Variants in MARCHF11 observed in about 807,000 individuals in gnomAD.
MARCHF11 encodes the protein E3 ubiquitin-protein ligase MARCHF11.
MARCHF11 carries 29 observed loss-of-function variants against 37.3 expected under a neutral mutation model. The ratio of observed to expected loss-of-function variants is 0.78; its 90% CI spans 0.58 to 1.06. The LOEUF (loss-of-function observed/expected upper bound fraction) is 1.06, where lower values mean the gene tolerates loss of function less well. Ranked by LOEUF, MARCHF11 falls within the 50% of genes least tolerant of loss-of-function variation. The pLI, the probability that MARCHF11 is intolerant of heterozygous loss-of-function variation, is 0.00. For missense variants in MARCHF11, 482 were observed against 533.4 expected, an observed-to-expected ratio of 0.90 and a Z score of 0.95; for synonymous variants, 233 against 228.0, an observed-to-expected ratio of 1.02 and a Z score of -0.20.
intron 2 of MARCHF11, among the ~76,000 whole-genome samples, chr5:16,110,605 A>T (rs1036167884): frequency 1.3e-5 from 2 of 152,218 alleles, no homozygotes; most frequent in Non-Finnish European, 2.9e-5. Context: ...TTTTAGAGAA[A>T]CTGAGGACAA....
chr5:16,143,593 T>C (rs565858422), intron 2 of MARCHF11, among the ~76,000 whole-genome samples: 111 of 152,270 alleles, frequency 7.3e-4, no homozygotes, highest in Admixed American at 1.4e-3. Context: ...GGAGGAGACC[T>C]GTCCTAAGCA....
chr5:16,140,333 CCACAGATTATT>C (rs1488965543), intron 2 of MARCHF11, among the ~76,000 whole-genome samples: 3 of 152,134 alleles, frequency 2.0e-5, no homozygotes, highest in African/African-American at 7.2e-5. Context: ...ATAGAAACAA[CCACAGATTATT>C]CACAGACTAT....
intron 2 of MARCHF11, among the ~76,000 whole-genome samples, chr5:16,137,562 T>G (rs1470463699): frequency 4.6e-5 from 7 of 152,212 alleles, no homozygotes; most frequent in Non-Finnish European, 1.0e-4. Context: ...AGTGGGATAT[T>G]GCTATTAAGA....
At chr5:16,125,935 T>C (rs1006983480) in intron 2 of MARCHF11, among the ~76,000 whole-genome samples, 5 of 152,190 alleles carry the variant, frequency 3.3e-5, no homozygotes, top group Admixed American at 1.3e-4. Context: ...CTGTAGATAC[T>C]ACGTCAATGT....
intron 2 of MARCHF11, among the ~76,000 whole-genome samples, chr5:16,168,151 T>C (rs1738201239): frequency 6.6e-6 from 1 of 152,116 alleles, no homozygotes; most frequent in Non-Finnish European, 1.5e-5. Context: ...TAGAGCTTTA[T>C]CATGTCCAAA....
Position 16,110,047 on chromosome 5 carries a change from G to A in MARCHF11, c.694-18966C>T, listed in dbSNP as rs183740216. 4.5e-3 allele frequency among the ~76,000 whole-genome samples: 688 copies of A among 152,206 alleles called. 26 individuals carry two copies. Among genetic ancestry groups the A allele is most frequent in the Admixed American group, 0.042 (646 of 15,290 alleles). ...TCAAGTTCCCAGAAATTCCTCCACC[G>A]TGCTCTGATAGAAAACAATCCCAGT... is the stretch of plus-strand genomic sequence containing the variant. On this transcript the variant is annotated intron_variant, in intron 2 of 3. Transcript: ENST00000332432.
At chr5:16,173,918 C>G (rs552278013) in intron 2 of MARCHF11, among the ~76,000 whole-genome samples, 1 of 152,318 alleles carries the variant, frequency 6.6e-6, no homozygotes, top group African/African-American at 2.4e-5. Context: ...AATGGAGATG[C>G]AAAGAGTTTA....
intron 2 of MARCHF11, among the ~76,000 whole-genome samples, chr5:16,148,427 GC>G (rs1343868383): frequency 6.6e-6 from 1 of 152,002 alleles, no homozygotes; most frequent in African/African-American, 2.4e-5. Context: ...CTAACATCTG[GC>G]AATCTTTCCC....
chr5:16,093,521 G>A (rs13158763), intron 2 of MARCHF11, among the ~76,000 whole-genome samples: 45,348 of 151,714 alleles, frequency 0.3, 7,907 homozygotes, highest in East Asian at 0.56. Flanking sequence ...CCAGGAAATC[G>A]AGTGGCCATG....
At chr5:16,104,558 T>C (rs532512794) in intron 2 of MARCHF11, among the ~76,000 whole-genome samples, 1 of 152,332 alleles carries the variant, frequency 6.6e-6, no homozygotes, top group Admixed American at 6.5e-5. Context: ...TTCAATTATT[T>C]GTCCGGTTGG....
chr5:16,071,480 T>C (rs752798170), intron 3 of MARCHF11, among the ~76,000 whole-genome samples: 10 of 152,214 alleles, frequency 6.6e-5, no homozygotes, highest in Non-Finnish European at 1.5e-4. Flanking sequence ...AATTTCTGGT[T>C]TCATTGAATA....
chr5:16,122,033 A>G (rs1437107579), intron 2 of MARCHF11, among the ~76,000 whole-genome samples: 1 of 152,162 alleles, frequency 6.6e-6, no homozygotes, highest in African/African-American at 2.4e-5. Flanking sequence ...CAGAGAATTT[A>G]GGTACTCTGT....
intron 3 of MARCHF11, among the ~76,000 whole-genome samples, chr5:16,075,790 G>A (rs1271542517): frequency 6.6e-6 from 1 of 152,194 alleles, no homozygotes; most frequent in Non-Finnish European, 1.5e-5. Context: ...TTTAGGGACT[G>A]GGGCCCATAG....
chr5:16,157,980 C>G (rs1241312322), intron 2 of MARCHF11, among the ~76,000 whole-genome samples: 2 of 151,682 alleles, frequency 1.3e-5, no homozygotes, highest in African/African-American at 4.8e-5. Context: ...TCAAACAACT[C>G]AATACTAAGA....
chr5:16,085,939 CAAAAAAAAAAAAAAAAAA>C (rs56782867), intron 3 of MARCHF11, among the ~76,000 whole-genome samples: 11 of 40,954 alleles, frequency 2.7e-4, no homozygotes, highest in Non-Finnish European at 3.7e-4. Context: ...GACTCCATCT[CAAAAAAAAAAAAAAAAAA>C]AAAAAAAAAA....
chr5:16,144,590 G>A (rs558406503), intron 2 of MARCHF11, among the ~76,000 whole-genome samples: 2 of 152,246 alleles, frequency 1.3e-5, no homozygotes, highest in Non-Finnish European at 2.9e-5. Context: ...GTTAAGGCGT[G>A]CATTCTGATT....
intron 2 of MARCHF11, among the ~76,000 whole-genome samples, chr5:16,135,834 C>T (rs1210473296): frequency 7.3e-6 from 1 of 136,218 alleles, no homozygotes; most frequent in Non-Finnish European, 1.5e-5. Flanking sequence ...ACATCAAAGA[C>T]CACAGGAAAG....
At chr5:16,115,055 G>C (rs1219705560) in intron 2 of MARCHF11, among the ~76,000 whole-genome samples, 1 of 152,046 alleles carries the variant, frequency 6.6e-6, no homozygotes, top group Non-Finnish European at 1.5e-5. Flanking sequence ...AAAAAAAAAT[G>C]TCTTGCCTTC....
intron 3 of MARCHF11, among the ~76,000 whole-genome samples, chr5:16,088,724 C>A (rs1736741038): frequency 2.0e-5 from 3 of 151,998 alleles, no homozygotes; most frequent in African/African-American, 7.2e-5. Flanking sequence ...GTAAAATAAA[C>A]AATGTTCAAT....
Sources: allele counts gnomAD v4.1 joint callset (sites outside exome capture counted in the v4.1 genomes callset), GRCh38; gene constraint gnomAD v4.1.1; transcripts MANE v1.5; gene names NCBI Gene and HGNC (gene_info 2026-07-23, HGNC 2026-07-21).